Variants in ROBO3 observed in about 807,000 individuals in gnomAD.
ROBO3 encodes the protein roundabout homolog 3.
In ROBO3, 97 loss-of-function variants were observed where a neutral mutation model predicts 160.5. That is an observed-to-expected ratio of 0.60 (90% confidence interval 0.51 to 0.72). The LOEUF is 0.72. Ranked by LOEUF, ROBO3 falls within the 30% of genes least tolerant of loss-of-function variation. The probability of loss-of-function intolerance (pLI) is 0.00; values close to 1 mark genes in which losing one functional copy is unlikely to be tolerated. For missense variants in ROBO3, 1,858 were observed against 1,846.5 expected (o/e 1.01, Z -0.11); for synonymous variants, 780 against 746.2 (o/e 1.05, Z -0.74).
intron 26 of ROBO3, 29 bp from the exon 27 acceptor site, chr11:124,880,389 C>T: frequency 6.2e-7 from 1 of 1,611,196 alleles, no homozygotes; most frequent in Non-Finnish European, 8.5e-7. Flanking sequence ...CCTGCCTGCA[C>T]CTGGCTACCC....
At chr11:124,867,995 G>A (rs1407066174) in intron 1 of ROBO3, among the ~76,000 whole-genome samples, 1 of 152,186 alleles carries the variant, frequency 6.6e-6, no homozygotes, top group East Asian at 1.9e-4. Flanking sequence ...GCCAAAGTCT[G>A]CAGGCCAAGT....
rs1374701045 is a variant in ROBO3, at chr11:124,865,673, C to T, written c.96C>T (p.Gly32=). ...CCAACTCCAGCGAGCTGCTCTTGGG[C>T]TTCAACTCCTCGCTGGCGGCGCTCA... ...DISNSSELLL[G]FNSSLAALNH... is the part of the protein sequence containing the mutation. Residue 32 remains glycine, a synonymous_variant, in exon 1 of 28, where the codon GGC becomes GGT. Coordinates refer to ENST00000397801, the MANE Select transcript of ROBO3 (RefSeq NM_022370.4). This position sits in a 1 kb window ranked among gnomAD's most constrained non-coding sequence, Gnocchi z 5.5. 1.2e-6 allele frequency: 2 copies of T among 1,612,232 alleles called. No homozygotes were observed. The highest frequency in any genetic ancestry group is 1.7e-5 in the Admixed American group (1 of 59,822).
Position 124,875,348 on chromosome 11 carries a change from C to T in ROBO3, c.2299+12C>T. The T allele has an allele frequency of 6.4e-7, 1 of 1,563,820 alleles. No homozygotes were observed. Among genetic ancestry groups the T allele is most frequent in the Non-Finnish European group, 8.8e-7 (1 of 1,141,010 alleles). ...CATTCCTGAGGAGGGTAAGGAGGGCCACCGAACAGATGGATGGACAAGAGG... is the reference window on the plus strand; with the variant it reads ...CATTCCTGAGGAGGGTAAGGAGGGCTACCGAACAGATGGATGGACAAGAGG... On this transcript the variant is annotated intron_variant, in intron 14 of 27. Coordinates refer to ENST00000397801, the MANE Select transcript of ROBO3 (RefSeq NM_022370.4).
rs1419634955 is a variant in ROBO3, at chr11:124,865,691, G to T, written c.114G>T (p.Ala38=). ...TCTTGGGCTTCAACTCCTCGCTGGC[G>T]GCGCTCAACCACACCCTGCTGCCTC... The part of the protein sequence containing the change: ...ELLLGFNSSL[A]ALNHTLLPPG... The change falls in exon 1 of 28, where the codon GCG becomes GCT. Residue 38 remains alanine (A), a synonymous_variant. Coordinates refer to ENST00000397801, the MANE Select transcript of ROBO3 (RefSeq NM_022370.4). This position sits in a 1 kb window ranked among gnomAD's most constrained non-coding sequence, Gnocchi z 5.5. The T allele has an allele frequency of 6.2e-7, 1 of 1,611,666 alleles. No homozygotes were observed. The highest frequency in any genetic ancestry group is 2.2e-5 in the East Asian group (1 of 44,872).
intron 12 of ROBO3, among the ~76,000 whole-genome samples, chr11:124,874,512 T>C (rs1205390013): frequency 6.6e-6 from 1 of 152,174 alleles, no homozygotes; most frequent in Middle Eastern, 3.2e-3. Context: ...TACCCATAGA[T>C]AATAATATAG....
rs1257086072 is a variant in ROBO3 at position 124,876,155 on chromosome 11, T to A, written c.2593+30T>A. On this transcript the variant is annotated intron_variant, in intron 16 of 27. Transcript: ENST00000397801. The surrounding 1 kb of genome is among the most constrained non-coding windows in gnomAD (Gnocchi z 5.3). ...GTCCACCCGAGGGCAGTGCTGAGGA[T>A]CTTGACGGGGGCGGGGCAAGCCCCC... 6.4e-7 allele frequency: 1 copy of A among 1,571,918 alleles called. No individual in the cohort carries two copies. The highest frequency in any genetic ancestry group is 1.1e-5 in the South Asian group (1 of 87,324).
chr11:124,874,948 A>C (rs1192322310), intron 13 of ROBO3, 39 bp downstream of exon 13: 3 of 1,589,368 alleles, frequency 1.9e-6, no homozygotes, highest in Non-Finnish European at 2.6e-6. Context: ...GGTGGGGATG[A>C]TTATGAGGCA....
At position 124,876,178 on chromosome 11, in the gene ROBO3, C is replaced by G; in HGVS notation, c.2593+53C>G. Reference sequence around the variant, plus strand: ...GATCTTGACGGGGGCGGGGCAAGCCCCCCACTGGGGTAGCTGTGCCTGCCG... The same window carrying G: ...GATCTTGACGGGGGCGGGGCAAGCCGCCCACTGGGGTAGCTGTGCCTGCCG... On this transcript the variant is annotated intron_variant, in intron 16 of 27. Coordinates refer to ENST00000397801, the MANE Select transcript of ROBO3 (RefSeq NM_022370.4). The surrounding 1 kb of genome is among the most constrained non-coding windows in gnomAD (Gnocchi z 5.3). 5.2e-6 allele frequency: 8 copies of G among 1,549,292 alleles called. No individual in the cohort carries two copies. The highest frequency in any genetic ancestry group is 6.9e-6 in the Non-Finnish European group (8 of 1,153,962).
At position 124,865,791 on chromosome 11, in the gene ROBO3, G is replaced by A. The variant is rs1591505892; in HGVS notation, c.160+54G>A. 10 of 1,525,694 alleles carry A rather than the reference G, an allele frequency of 6.6e-6. No individual in the cohort carries two copies. The East Asian group carries it at 2.4e-4, about 36-fold the overall frequency. 94.5% of individuals were successfully genotyped at this position (1,525,694 alleles called of 1,614,324 possible). ...ATCCTGGGATGGGGATGAGGTGAGA[G>A]GGCGGCGTGGAAGGGAAGGAGAAGC... On this transcript the variant is annotated intron_variant, in intron 1 of 27. Transcript: ENST00000397801. The surrounding 1 kb of genome is among the most constrained non-coding windows in gnomAD (Gnocchi z 5.5).
intron 14 of ROBO3, 108 bp from the exon 15 acceptor site, chr11:124,875,456 G>T (rs1475148628): frequency 6.3e-7 from 1 of 1,578,638 alleles, no homozygotes; most frequent in Admixed American, 1.8e-5. Context: ...AGGAGGAATG[G>T]CTCTCAGTTC....
In ROBO3 at chr11:124,872,376, C is replaced by A; in HGVS notation, c.1159-5C>A. ...CCCTACCCTGGTTCCTTGCTCTGTCCCCAGGTCCTGCTTTTCCCCAGTCAG... is the reference window on the plus strand; with the variant it reads ...CCCTACCCTGGTTCCTTGCTCTGTCACCAGGTCCTGCTTTTCCCCAGTCAG... On this transcript the variant is annotated splice_region_variant and splice_polypyrimidine_tract_variant and intron_variant, in intron 7 of 27. Coordinates refer to ENST00000397801, the MANE Select transcript of ROBO3 (RefSeq NM_022370.4). The surrounding 1 kb of genome is among the most constrained non-coding windows in gnomAD (Gnocchi z 4.3). The A allele has an allele frequency of 6.2e-7, 1 of 1,613,884 alleles. No individual in the cohort carries two copies. Among genetic ancestry groups the A allele is most frequent in the South Asian group, 1.1e-5 (1 of 91,070 alleles).
intron 20 of ROBO3, 50 bp from the exon 21 acceptor site, chr11:124,877,887 C>A (rs550916471): frequency 7.5e-7 from 1 of 1,327,016 alleles, no homozygotes; most frequent in Non-Finnish European, 1.1e-6. Flanking sequence ...ATTCTGTTGT[C>A]CTCTATGTTT....
chr11:124,878,265 G>T lies in ROBO3; in HGVS notation c.3182-33G>T. 6.2e-7 allele frequency: 1 copy of T among 1,609,106 alleles called. No individual in the cohort carries two copies. On this transcript the variant is annotated intron_variant, in intron 21 of 27. Coordinates refer to ENST00000397801, the MANE Select transcript of ROBO3 (RefSeq NM_022370.4). The surrounding 1 kb of genome is among the most constrained non-coding windows in gnomAD (Gnocchi z 4.3). Reference sequence around the variant, plus strand: ...TCTCATCTCTGGCTCTTTCCTGCCTGTTCTCCGGGTGTCCCCATCCTATTC... The same window carrying T: ...TCTCATCTCTGGCTCTTTCCTGCCTTTTCTCCGGGTGTCCCCATCCTATTC...
chr11:124,881,137 C>T (rs879261199), intron 27 of ROBO3, 102 bp from the exon 28 acceptor site: 194 of 1,156,234 alleles, frequency 1.7e-4, no homozygotes, highest in Non-Finnish European at 2.2e-4. Context: ...CTGGGCTCAC[C>T]GTAGGAGAAC....
chr11:124,879,234 C>T lies in ROBO3; in HGVS notation c.3578C>T (p.Pro1193Leu). ...AGTTCCCCTCTCAGTGTATCCCAGC[C>T]CATGCTGGGCATCCGTGAAGCGAGG... ...GPSSPLSVSQ[P>L]MLGIREARPA... Residue 1193 changes from proline (P) to leucine (L), a missense_variant, in exon 24 of 28, where the codon CCC becomes CTC. Coordinates refer to ENST00000397801, the MANE Select transcript of ROBO3 (RefSeq NM_022370.4). 1 of 1,557,986 alleles carries T rather than the reference C, an allele frequency of 6.4e-7. No homozygotes were observed. The highest frequency in any genetic ancestry group is 1.4e-5 in the African/African-American group (1 of 73,412).
chr11:124,869,663 A>G lies in ROBO3; in HGVS notation c.645+56A>G. On this transcript the variant is annotated intron_variant, in intron 3 of 27. Transcript: ENST00000397801. This position sits in a 1 kb window ranked among gnomAD's most constrained non-coding sequence, Gnocchi z 4.2. ...ACAAGGGAGGGGACATAGGGTAGGGAGGTGACAAGGCTGGAGATTGAGATC... is the reference window on the plus strand; with the variant it reads ...ACAAGGGAGGGGACATAGGGTAGGGGGGTGACAAGGCTGGAGATTGAGATC... 1.3e-6 allele frequency: 2 copies of G among 1,492,536 alleles called. No homozygotes were observed. Among genetic ancestry groups the G allele is most frequent in the Admixed American group, 4.2e-5 (2 of 47,104 alleles). The allele number at this position is 1,492,536 out of a possible 1,614,324, so 92.5% of individuals were successfully genotyped here. A position where few individuals can be genotyped will look rare whatever the true frequency, so the allele number is the denominator to read the frequency against.
Position 124,873,272 on chromosome 11 carries a change from C to G in ROBO3, c.1537-38C>G, listed in dbSNP as rs1423392304. ...CTCCACCCCCTCACTGGATCTTGCT[C>G]CACTCTCAGTTTGCCAGTGCTCTGC... On this transcript the variant is annotated intron_variant, in intron 9 of 27. Transcript: ENST00000397801. This position sits in a 1 kb window ranked among gnomAD's most constrained non-coding sequence, Gnocchi z 4.5. 1.3e-6 allele frequency: 2 copies of G among 1,571,440 alleles called. No individual in the cohort carries two copies.
Position 124,877,566 on chromosome 11 carries a change from C to T in ROBO3, c.2894C>T (p.Ser965Leu), listed in dbSNP as rs532190778. The change falls in exon 20 of 28, where the codon TCG (serine) becomes TTG (leucine). Residue 965 changes from serine to leucine, a missense_variant. Physicochemically the swap from Ser to Leu is moderately radical, Grantham distance 145. Coordinates refer to ENST00000397801, the MANE Select transcript of ROBO3 (RefSeq NM_022370.4). ...GCCCCCTACTCATGGCTGGCAGATT[C>T]GTGGCCCCACCCATCTCGAAGCCCC... ...GPAPYSWLAD[S>L]WPHPSRSPSA... is the part of the protein sequence containing the mutation. The T allele has an allele frequency of 3.1e-6, 5 of 1,601,656 alleles. No individual in the cohort carries two copies. In the South Asian group the frequency reaches 4.5e-5, roughly 14 times the overall value.
chr11:124,875,837 T>C, intron 15 of ROBO3, 117 bp from the exon 16 acceptor site: 1 of 1,447,780 alleles, frequency 6.9e-7, no homozygotes, highest in Non-Finnish European at 9.5e-7. Context: ...TTTCCAAGTG[T>C]TGTTTCCAGG....
Sources: gnomAD v4.1 joint callset for allele counts (sites outside exome capture counted in the v4.1 genomes callset) on GRCh38, gnomAD v4.1.1 for gene constraint, Gnocchi (gnomAD v3.1) non-coding constraint, MANE v1.5 for transcripts, NCBI Gene and HGNC (gene_info 2026-07-23, HGNC 2026-07-21) for gene names.